Variants in MTREX observed in about 807,000 individuals in gnomAD.
The protein encoded by MTREX is exosome RNA helicase MTR4.
A neutral mutation model predicts 135.4 loss-of-function variants in MTREX; 76 were observed. The observed-to-expected ratio is 0.56, with a 90% confidence interval of 0.47 to 0.68. The LOEUF (loss-of-function observed/expected upper bound fraction) is 0.68. MTREX is among the 30% of genes least tolerant of loss of function. The pLI is 0.00. For synonymous variants in MTREX, 404 were observed against 401.6 expected (o/e 1.01, Z -0.07); for missense variants, 920 against 1,262.1 (o/e 0.73, Z 4.11).
intron 1 of MTREX, among the ~76,000 whole-genome samples, chr5:55,317,755 AC>A (rs1372653261): frequency 1.3e-5 from 2 of 152,242 alleles, no homozygotes; most frequent in Admixed American, 6.5e-5. Flanking sequence ...AGCCATTGCA[AC>A]AAAAGCAAAA....
chr5:55,342,335 A>G (rs973918551), intron 7 of MTREX, among the ~76,000 whole-genome samples: 2 of 152,250 alleles, frequency 1.3e-5, no homozygotes, highest in Non-Finnish European at 2.9e-5. Flanking sequence ...AAATTAAAAG[A>G]TGGCGTGCTT....
intron 5 of MTREX, among the ~76,000 whole-genome samples, chr5:55,336,029 T>G (rs1336675045): frequency 6.6e-6 from 1 of 152,198 alleles, no homozygotes; most frequent in African/African-American, 2.4e-5. Flanking sequence ...CATTTTTTCT[T>G]AAGGTCATAT....
intron 18 of MTREX, among the ~76,000 whole-genome samples, chr5:55,384,939 C>T (rs1750454042): frequency 6.6e-6 from 1 of 152,204 alleles, no homozygotes; most frequent in African/African-American, 2.4e-5. Flanking sequence ...AAACTATCTG[C>T]TGTACAATTT....
At chr5:55,326,322 C>T (rs1749376801) in intron 3 of MTREX, among the ~76,000 whole-genome samples, 1 of 152,144 alleles carries the variant, frequency 6.6e-6, no homozygotes, top group South Asian at 2.1e-4. Context: ...ATTGCTTGAA[C>T]CAGGGAGGTG....
intron 25 of MTREX, among the ~76,000 whole-genome samples, chr5:55,416,985 T>G (rs994037867): frequency 3.9e-5 from 6 of 152,216 alleles, no homozygotes. Flanking sequence ...ATGAATCAGT[T>G]ATTTTTATGA....
intron 25 of MTREX, among the ~76,000 whole-genome samples, chr5:55,419,177 A>C (rs1010485303): frequency 1.3e-5 from 2 of 152,182 alleles, no homozygotes; most frequent in African/African-American, 4.8e-5. Flanking sequence ...AAATACTGTA[A>C]TCAAAGCTGT....
chr5:55,322,475 C>T lies in MTREX; in HGVS notation c.272+11C>T. The T allele has an allele frequency of 6.4e-7, 1 of 1,565,298 alleles. No homozygotes were observed. Among genetic ancestry groups the T allele is most frequent in the Non-Finnish European group, 8.6e-7 (1 of 1,161,216 alleles). On this transcript the variant is annotated intron_variant, in intron 2 of 26. Coordinates refer to ENST00000230640, the MANE Select transcript of MTREX (RefSeq NM_015360.5). ...AACTGAAGACTTAAGGTAATATTTC[C>T]AAAGTCCTAAATGTTAGTAACTCAT...
chr5:55,338,569 T>G (rs1019901647), intron 5 of MTREX, among the ~76,000 whole-genome samples: 1 of 151,586 alleles, frequency 6.6e-6, no homozygotes, highest in Non-Finnish European at 1.5e-5. Context: ...GTTTTTTTTT[T>G]CCTACCTCTT....
At chr5:55,326,381 C>A (rs1426879625) in intron 3 of MTREX, among the ~76,000 whole-genome samples, 1 of 152,022 alleles carries the variant, frequency 6.6e-6, no homozygotes, top group Non-Finnish European at 1.5e-5. Context: ...GCCTGGGTGA[C>A]AGAGTGAGAC....
intron 3 of MTREX, among the ~76,000 whole-genome samples, chr5:55,326,850 C>T (rs2112037638): frequency 6.6e-6 from 1 of 152,190 alleles, no homozygotes; most frequent in Non-Finnish European, 1.5e-5. Context: ...CCTCCCCTAG[C>T]CCCCCACCTC....
Position 55,358,767 on chromosome 5 carries a change from T to C in MTREX, c.1659+69T>C, listed in dbSNP as rs1749961843. On this transcript the variant is annotated intron_variant, in intron 15 of 26. Coordinates refer to ENST00000230640, the MANE Select transcript of MTREX (RefSeq NM_015360.5). ...ATATACTTCAGGAGCCATTTCAGAA[T>C]TGGTTGTGTCAGTCAGACACCTAAG... is the stretch of plus-strand genomic sequence containing the variant. 3 of 1,379,520 alleles carry C rather than the reference T, an allele frequency of 2.2e-6. No homozygotes were observed. In the African/African-American group the frequency reaches 4.4e-5, roughly 20 times the overall value. The allele number at this position is 1,379,520 out of a possible 1,614,324, so 85.5% of individuals were successfully genotyped here.
intron 19 of MTREX, among the ~76,000 whole-genome samples, chr5:55,394,629 C>G (rs571574564): frequency 3.9e-5 from 6 of 152,290 alleles, no homozygotes; most frequent in African/African-American, 1.4e-4. Flanking sequence ...CAGTAATGCT[C>G]TCTCCCCCAC....
At chr5:55,328,924 A>G in intron 5 of MTREX, 113 bp downstream of exon 5, 1 of 583,480 alleles carries the variant, frequency 1.7e-6, no homozygotes, top group South Asian at 2.4e-5. Context: ...CCTTTTGAAC[A>G]ATTTCTTTTT....
intron 16 of MTREX, among the ~76,000 whole-genome samples, chr5:55,372,493 G>A (rs2112092163): frequency 6.8e-6 from 1 of 147,302 alleles, no homozygotes; most frequent in East Asian, 2.1e-4. Flanking sequence ...TCTTTCATCA[G>A]TCCCTAGGAA....
In MTREX at chr5:55,415,972, A is replaced by C; in HGVS notation, c.2811A>C (p.Glu937Asp). The part of the protein sequence containing the change: ...QLAGPLRQMQ[E>D]CAKRIAKVSA... ...TTTTAACTCTTTTATCTTTAAAGGA[A>C]TGTGCTAAAAGAATTGCAAAAGTTT... is the stretch of plus-strand genomic sequence containing the variant. Residue 937 changes from glutamate (E) to aspartate (D), a missense_variant and splice_region_variant, in exon 25 of 27, where the codon GAA (glutamate) becomes GAC (aspartate). Physicochemically the swap from Glu to Asp is conservative, Grantham distance 45. Transcript: ENST00000230640. 1 of 1,579,654 alleles carries C rather than the reference A, an allele frequency of 6.3e-7. No homozygotes were observed. Among genetic ancestry groups the C allele is most frequent in the Non-Finnish European group, 8.6e-7 (1 of 1,167,420 alleles).
chr5:55,328,872 T>G, intron 5 of MTREX, 61 bp downstream of exon 5: 1 of 1,090,158 alleles, frequency 9.2e-7, no homozygotes, highest in Non-Finnish European at 1.4e-6. Context: ...AAGTTTCTTT[T>G]TTGCTGTTTG....
At chr5:55,397,804 TA>T (rs1418681511) in intron 20 of MTREX, among the ~76,000 whole-genome samples, 2 of 152,232 alleles carry the variant, frequency 1.3e-5, no homozygotes, top group African/African-American at 4.8e-5. Context: ...TAGACTGTAT[TA>T]CAAGTTTTAT....
intron 1 of MTREX, among the ~76,000 whole-genome samples, chr5:55,318,495 C>A (rs1255266594): frequency 6.6e-6 from 1 of 152,202 alleles, no homozygotes; most frequent in African/African-American, 2.4e-5. Flanking sequence ...TGGAGGCTAT[C>A]ATCCTTAGCA....
intron 15 of MTREX, among the ~76,000 whole-genome samples, chr5:55,365,835 C>T (rs886322541): frequency 4.6e-5 from 7 of 151,778 alleles, no homozygotes; most frequent in Admixed American, 4.6e-4. Context: ...ACTAAAAATA[C>T]AAAAAATTAG....
Sources: allele counts gnomAD v4.1 joint callset (sites outside exome capture counted in the v4.1 genomes callset), GRCh38; gene constraint gnomAD v4.1.1; transcripts MANE v1.5; gene names NCBI Gene and HGNC (gene_info 2026-07-23, HGNC 2026-07-21).